NRP1: variants seen among roughly 807,000 people sequenced by gnomAD.
NRP1 encodes the protein neuropilin 1, also known as neuropilin-1.
Under a neutral mutation model 106.7 loss-of-function variants are expected in NRP1, and 35 were observed. That is an observed-to-expected ratio of 0.33 (90% CI 0.25 to 0.43). The LOEUF is 0.43. Among genes scored for constraint, NRP1 ranks in the 20% least tolerant of loss-of-function variants. The pLI is 1.00. For synonymous variants in NRP1, 437 were observed against 417.9 expected (o/e 1.05, Z -0.56); for missense variants, 1,024 against 1,170.4 (o/e 0.87, Z 1.83).
chr10:33,220,934 TAA>T (rs1454257004), intron 8 of NRP1, among the ~76,000 whole-genome samples: 1 of 103,624 alleles, frequency 9.7e-6, no homozygotes, highest in Admixed American at 9.9e-5. Context: ...GAAAAACAAA[TAA>T]AAAGATAAAG....
At chr10:33,294,033 G>A (rs1845197918) in intron 2 of NRP1, among the ~76,000 whole-genome samples, 1 of 152,226 alleles carries the variant, frequency 6.6e-6, no homozygotes, top group Admixed American at 6.5e-5. Flanking sequence ...ATGCTGGTGT[G>A]TGAGCAAATG....
At chr10:33,208,253 A>T (rs1460778121) in intron 9 of NRP1, among the ~76,000 whole-genome samples, 1 of 152,058 alleles carries the variant, frequency 6.6e-6, no homozygotes, top group African/African-American at 2.4e-5. Context: ...GGGTCTCATG[A>T]TGTTGCCCAG....
chr10:33,270,328 AT>A (rs11457192), intron 3 of NRP1, among the ~76,000 whole-genome samples: 5,269 of 142,874 alleles, frequency 0.037, 229 homozygotes, highest in African/African-American at 0.12. Context: ...TGTTAAATAA[AT>A]TTTTTTTTTT....
chr10:33,249,508 T>C (rs920648654), intron 6 of NRP1: 1 of 531,438 alleles, frequency 1.9e-6, no homozygotes, highest in Non-Finnish European at 3.9e-6. Flanking sequence ...AAGAGGAAGA[T>C]TTTGATCGCA....
Position 33,179,188 on chromosome 10 carries a change from G to A in NRP1, c.*888C>T, listed in dbSNP as rs1055604253. 2.0e-5 allele frequency: 3 copies of A among 152,638 alleles called. No homozygotes were observed. Among genetic ancestry groups the A allele is most frequent in the Non-Finnish European group, 2.9e-5 (2 of 68,052 alleles). The allele number at this position is 152,638 out of a possible 1,614,324, so 9.5% of individuals were successfully genotyped here. ...CTTCAGAGCCCTTGCCTGCCCGGAGGGGCTGGCATCTCACACGAAAATAAA... is the reference window on the plus strand; with the variant it reads ...CTTCAGAGCCCTTGCCTGCCCGGAGAGGCTGGCATCTCACACGAAAATAAA... On this transcript the variant is annotated 3_prime_UTR_variant, in exon 17 of 17. Transcript: ENST00000374867.
intron 2 of NRP1, among the ~76,000 whole-genome samples, chr10:33,324,131 A>G (rs1167996662): frequency 6.6e-6 from 1 of 152,236 alleles, no homozygotes; most frequent in Non-Finnish European, 1.5e-5. Context: ...ATACTAAGGG[A>G]TAATAAAGAA....
chr10:33,263,592 T>A, intron 4 of NRP1, 54 bp downstream of exon 4: 1 of 1,331,492 alleles, frequency 7.5e-7, no homozygotes, highest in Non-Finnish European at 1.1e-6. Context: ...AAAAGAATAC[T>A]GGTGCCCTTC....
Position 33,270,733 on chromosome 10 carries a change from G to A in NRP1, c.372C>T (p.Val124=). 6.2e-7 allele frequency: 1 copy of A among 1,613,958 alleles called. No individual in the cohort carries two copies. The highest frequency in any genetic ancestry group is 8.5e-7 in the Non-Finnish European group (1 of 1,179,952). The change falls in exon 3 of 17, where the codon GTC becomes GTT. Residue 124 remains valine (V), a synonymous_variant. Coordinates refer to ENST00000374867, the MANE Select transcript of NRP1 (RefSeq NM_003873.7). The stretch of plus-strand genomic sequence containing the variant: ...CTGCACCATGTGTTTCGTAGTCAGA[G>A]ACAAATTTGATAAAAAGAAATGGCC... ...SSGPFLFIKF[V]SDYETHGAGF...
chr10:33,273,064 C>T (rs1206059581), intron 2 of NRP1, among the ~76,000 whole-genome samples: 2 of 119,892 alleles, frequency 1.7e-5, no homozygotes, highest in Non-Finnish European at 3.1e-5. Flanking sequence ...AAAGTAGAAG[C>T]TATTTTTAAA....
chr10:33,327,188 G>C (rs1215503405), intron 2 of NRP1, among the ~76,000 whole-genome samples: 7 of 151,970 alleles, frequency 4.6e-5, no homozygotes, highest in Non-Finnish European at 1.0e-4. Context: ...TCTCATTACT[G>C]GGTCAATAGA....
chr10:33,268,898 G>A (rs1843105059), intron 3 of NRP1, among the ~76,000 whole-genome samples: 1 of 152,188 alleles, frequency 6.6e-6, no homozygotes, highest in African/African-American at 2.4e-5. Context: ...ATGAATTTCT[G>A]AAAGTTCTCT....
intron 6 of NRP1, among the ~76,000 whole-genome samples, chr10:33,247,065 T>C (rs1052123714): frequency 2.0e-5 from 3 of 152,230 alleles, no homozygotes; most frequent in African/African-American, 4.8e-5. Flanking sequence ...GAAAATTGTA[T>C]ATGAAACTTG....
At chr10:33,303,275 G>A (rs1041626915) in intron 2 of NRP1, among the ~76,000 whole-genome samples, 1 of 152,212 alleles carries the variant, frequency 6.6e-6, no homozygotes, top group Admixed American at 6.5e-5. Context: ...ATCTTATCTT[G>A]GAACACATCC....
rs572117508 is a variant in NRP1 at position 33,321,789 on chromosome 10, G to C, written c.248+8919C>G. Reference sequence around the variant, plus strand: ...CTTCGGCTATTCTGGAGAAATATGAGAACTTGAATTGAGAGACAGTTAGCA... The same window carrying C: ...CTTCGGCTATTCTGGAGAAATATGACAACTTGAATTGAGAGACAGTTAGCA... On this transcript the variant is annotated intron_variant, in intron 2 of 16. Coordinates refer to ENST00000374867, the MANE Select transcript of NRP1 (RefSeq NM_003873.7). 5.9e-5 allele frequency among the ~76,000 whole-genome samples: 9 copies of C among 152,240 alleles called. 1 individual carries two copies. In the South Asian group the frequency reaches 1.9e-3, roughly 32 times the overall value.
At chr10:33,266,966 A>G (rs1399815238) in intron 3 of NRP1, among the ~76,000 whole-genome samples, 2 of 152,144 alleles carry the variant, frequency 1.3e-5, no homozygotes, top group Admixed American at 1.3e-4. Flanking sequence ...CGGGAGGCGG[A>G]GATTGCAGTG....
intron 2 of NRP1, among the ~76,000 whole-genome samples, chr10:33,302,021 CAG>C (rs141866907): frequency 3.3e-5 from 5 of 151,316 alleles, no homozygotes; most frequent in Admixed American, 6.6e-5. Flanking sequence ...GAGCAAGAGA[CAG>C]AGAGAGAGAG....
At chr10:33,273,266 C>T (rs949889698) in intron 2 of NRP1, among the ~76,000 whole-genome samples, 7 of 152,120 alleles carry the variant, frequency 4.6e-5, no homozygotes, top group Non-Finnish European at 7.4e-5. Flanking sequence ...CAACAGGGCC[C>T]CAAATAGTAT....
At chr10:33,307,261 C>T (rs913694850) in intron 2 of NRP1, among the ~76,000 whole-genome samples, 2 of 152,178 alleles carry the variant, frequency 1.3e-5, no homozygotes, top group Admixed American at 6.5e-5. Context: ...AAACTATGGC[C>T]TGTAGATCAA....
rs374276976 is a variant in NRP1 at position 33,330,871 on chromosome 10, C to T, written c.85G>A (p.Asp29Asn). 3.9e-5 allele frequency: 62 copies of T among 1,603,938 alleles called. No homozygotes were observed. In the South Asian group the frequency reaches 6.3e-4, roughly 16 times the overall value. The change falls in exon 2 of 17, where the codon GAT becomes AAT. Residue 29 changes from aspartate to asparagine, a missense_variant. Asp to Asn is a conservative substitution (Grantham distance 23). This residue lies in a region of NRP1 where 279 missense variants were observed against 327.4 expected (regional missense o/e 0.85). Coordinates refer to ENST00000374867, the MANE Select transcript of NRP1 (RefSeq NM_003873.7). ...AGAFRNDKCG[D>N]TIKIESPGYL... ...CCGGGGCTTTCAATTTTTATAGTAT[C>T]GCCACATTTATCTGCAATGAAAGTA...
Sources: gnomAD v4.1 joint callset for allele counts (sites outside exome capture counted in the v4.1 genomes callset) on GRCh38, gnomAD v4.1.1 for gene constraint, gnomAD v4.1.1 regional missense constraint, MANE v1.5 for transcripts, NCBI Gene and HGNC (gene_info 2026-07-23, HGNC 2026-07-21) for gene names.